Variants in GAK observed in about 807,000 individuals in gnomAD.
GAK encodes the protein cyclin-G-associated kinase.
A neutral mutation model predicts 143.9 loss-of-function variants in GAK; 79 were observed. That is an observed-to-expected ratio of 0.55 (90% CI 0.46 to 0.66). The LOEUF (loss-of-function observed/expected upper bound fraction) is 0.66. Among genes scored for constraint, GAK ranks in the 30% least tolerant of loss-of-function variants. The pLI, the probability that GAK is intolerant of heterozygous loss-of-function variation, is 0.00. For missense variants in GAK, 1,693 were observed against 1,779.7 expected (o/e 0.95, Z 0.88); for synonymous variants, 881 against 765.5 (o/e 1.15, Z -2.49).
chr4:890,691 G>A (rs972469037), intron 9 of GAK, 69 bp from the exon 10 acceptor site: 2 of 1,282,506 alleles, frequency 1.6e-6, no homozygotes, highest in Non-Finnish European at 2.2e-6. Flanking sequence ...GTCGGGCAGA[G>A]GTACGGTATG....
chr4:896,435 G>A (rs368545624), intron 7 of GAK, 25 bp downstream of exon 7: 13 of 1,599,350 alleles, frequency 8.1e-6, no homozygotes, highest in Non-Finnish European at 1.1e-5. Context: ...GCCAGGCACT[G>A]CCACTGAGAG....
intron 27 of GAK, 59 bp from the exon 28 acceptor site, chr4:849,833 G>GAC: frequency 8.4e-7 from 1 of 1,190,156 alleles, no homozygotes; most frequent in Non-Finnish European, 1.2e-6. Flanking sequence ...GGCGGGGCAG[G>GAC]ACCCCCCCCC....
Position 932,065 on chromosome 4 carries a change from C to G in GAK, c.123G>C (p.Arg41=). The change falls in exon 1 of 28, where the codon CGG becomes CGC. Residue 41 remains arginine, a synonymous_variant. Transcript: ENST00000314167. This position sits in a 1 kb window ranked among gnomAD's most constrained non-coding sequence, Gnocchi z 4.0. The stretch of plus-strand genomic sequence containing the variant: ...CACCTTCGGCCAGGACCCGCCGCAC[C>G]CGCAGCCGCAGCTCGCCCAGTTCCA... ...QTVELGELRL[R]VRRVLAEGGF... 6.2e-7 allele frequency: 1 copy of G among 1,601,562 alleles called. No homozygotes were observed. Among genetic ancestry groups the G allele is most frequent in the Non-Finnish European group, 8.5e-7 (1 of 1,175,342 alleles).
intron 17 of GAK, 116 bp from the exon 18 acceptor site, chr4:876,725 G>A: frequency 1.2e-6 from 1 of 862,966 alleles, no homozygotes; most frequent in South Asian, 1.5e-5. Context: ...CTGGAGGCAT[G>A]GACGGCGCCC....
intron 24 of GAK, chr4:853,560 C>T (rs1748563073): frequency 6.6e-6 from 1 of 152,440 alleles, no homozygotes; most frequent in South Asian, 2.1e-4. Context: ...GGCTCGTCCC[C>T]CCGGCAAGGC....
At chr4:923,978 A>G (rs1006051456) in intron 1 of GAK, among the ~76,000 whole-genome samples, 5 of 152,068 alleles carry the variant, frequency 3.3e-5, no homozygotes, top group Non-Finnish European at 1.5e-5. Context: ...TGAGGTCAGG[A>G]GTTTGAGACC....
At chr4:897,572 G>A (rs1719032710) in intron 6 of GAK, among the ~76,000 whole-genome samples, 1 of 152,212 alleles carries the variant, frequency 6.6e-6, no homozygotes, top group Admixed American at 6.5e-5. Flanking sequence ...GAGGGGCTCA[G>A]AGGAAGGAGG....
At chr4:923,536 G>A (rs974859660) in intron 1 of GAK, among the ~76,000 whole-genome samples, 2 of 152,148 alleles carry the variant, frequency 1.3e-5, no homozygotes, top group Non-Finnish European at 2.9e-5. Flanking sequence ...TTAGCCAGGC[G>A]TGGTGGTGCG....
At chr4:929,080 TGAAGGGAG>T (rs1725277320) in intron 1 of GAK, among the ~76,000 whole-genome samples, 1 of 151,884 alleles carries the variant, frequency 6.6e-6, no homozygotes, top group African/African-American at 2.4e-5. Flanking sequence ...TCTAAGTAAG[TGAAGGGAG>T]GAAGCCTCCA....
At chr4:859,448 C>T in intron 24 of GAK, 158 bp downstream of exon 24, 8 of 1,589,992 alleles carry the variant, frequency 5.0e-6, no homozygotes, top group Non-Finnish European at 6.8e-6. Context: ...GGAACAGGTG[C>T]AGACACGCTG....
chr4:868,734 G>A (rs1463948663), intron 19 of GAK, 49 bp from the exon 20 acceptor site: 80 of 1,525,764 alleles, frequency 5.2e-5, no homozygotes, highest in Non-Finnish European at 6.5e-5. Context: ...CAGCAGCCTC[G>A]GGGCAACACT....
chr4:849,833 G>GTGGGGGGC, intron 27 of GAK, 59 bp from the exon 28 acceptor site: 2 of 1,190,150 alleles, frequency 1.7e-6, no homozygotes, highest in Non-Finnish European at 2.3e-6. Flanking sequence ...GGCGGGGCAG[G>GTGGGGGGC]ACCCCCCCCC....
chr4:922,441 G>A (rs1724059474), intron 1 of GAK, among the ~76,000 whole-genome samples: 1 of 151,456 alleles, frequency 6.6e-6, no homozygotes, highest in Non-Finnish European at 1.5e-5. Context: ...CTTGAACCCA[G>A]GAGGCAGAGG....
At chr4:856,416 AC>A (rs1477810466) in intron 24 of GAK, among the ~76,000 whole-genome samples, 4 of 81,360 alleles carry the variant, frequency 4.9e-5, no homozygotes, top group Non-Finnish European at 9.8e-5. Context: ...GCTGCTCACC[AC>A]AGCTGCTCAC....
intron 4 of GAK, among the ~76,000 whole-genome samples, chr4:908,703 G>A (rs941367223): frequency 2.0e-5 from 3 of 152,066 alleles, no homozygotes; most frequent in Admixed American, 6.5e-5. Context: ...CGGGAGGACT[G>A]CTTGAGCCCA....
At chr4:858,291 A>G (rs976246293) in intron 24 of GAK, among the ~76,000 whole-genome samples, 7 of 151,956 alleles carry the variant, frequency 4.6e-5, no homozygotes, top group African/African-American at 1.7e-4. Context: ...TTTTTCCTTC[A>G]GTTGTATCGG....
At chr4:896,422 G>A (rs780664373) in intron 7 of GAK, 38 bp downstream of exon 7, 37 of 1,568,782 alleles carry the variant, frequency 2.4e-5, no homozygotes, top group African/African-American at 4.1e-5. Flanking sequence ...TAGGGCGCAC[G>A]GAGCCAGGCA....
chr4:890,436 G>T, intron 10 of GAK, 96 bp downstream of exon 10: 1 of 873,334 alleles, frequency 1.1e-6, no homozygotes. Context: ...GAGGCCCCGG[G>T]AGAGAAGGAC....
At chr4:881,883 T>C (rs45486093) in intron 15 of GAK, 24 bp downstream of exon 15, 261,553 of 1,552,644 alleles carry the variant, frequency 0.17, 24,029 homozygotes, top group Middle Eastern at 0.29. Flanking sequence ...AGCTGTCCCC[T>C]GTCCCCGGAG....
Sources: gnomAD v4.1 joint callset for allele counts (sites outside exome capture counted in the v4.1 genomes callset) on GRCh38, gnomAD v4.1.1 for gene constraint, Gnocchi (gnomAD v3.1) non-coding constraint, MANE v1.5 for transcripts, NCBI Gene and HGNC (gene_info 2026-07-23, HGNC 2026-07-21) for gene names.